The following SRCIN1 variants were observed in gnomAD, a reference collection of about 807,000 sequenced individuals.
SRCIN1 encodes P130Cas-associated protein.
Under a neutral mutation model 116.2 loss-of-function variants are expected in SRCIN1, and 50 were observed. The ratio of observed to expected loss-of-function variants is 0.43; its 90% CI spans 0.34 to 0.54. The LOEUF is 0.54. Ranked by LOEUF, SRCIN1 falls within the 20% of genes least tolerant of loss-of-function variation. SRCIN1 has a pLI of 0.02. For synonymous variants in SRCIN1, 736 were observed against 750.0 expected, an observed-to-expected ratio of 0.98 and a Z score of 0.30; for missense variants, 1,446 against 1,672.0, an observed-to-expected ratio of 0.86 and a Z score of 2.36.
At position 38,585,270 on chromosome 17, in the gene SRCIN1, C is replaced by T. The variant is rs535335786; in HGVS notation, c.23-6479G>A. Reference sequence around the variant, plus strand: ...GCCTGCCTTAGGCCACACCCACACACACACACAAACACACAGCATGAGGCT... The same window carrying T: ...GCCTGCCTTAGGCCACACCCACACATACACACAAACACACAGCATGAGGCT... On this transcript the variant is annotated intron_variant, in intron 1 of 18. Coordinates refer to ENST00000617146, the MANE Select transcript of SRCIN1 (RefSeq NM_025248.3). This position sits in a 1 kb window ranked among gnomAD's most constrained non-coding sequence, Gnocchi z 4.2. Among the ~76,000 whole-genome samples, 2 of 152,328 alleles carry T rather than the reference C, an allele frequency of 1.3e-5. No individual in the cohort carries two copies. The highest frequency in any genetic ancestry group is 4.8e-5 in the African/African-American group (2 of 41,572).
At chr17:38,580,624 C>T (rs561052829) in intron 1 of SRCIN1, among the ~76,000 whole-genome samples, 68 of 152,318 alleles carry the variant, frequency 4.5e-4, no homozygotes, top group Non-Finnish European at 4.0e-4. Context: ...ACACTCTCCA[C>T]GATGACTGTT....
At position 38,551,959 on chromosome 17, in the gene SRCIN1, G is replaced by C. The variant is rs770773898; in HGVS notation, c.2654C>G (p.Pro885Arg). 1.2e-5 allele frequency: 19 copies of C among 1,613,944 alleles called. No homozygotes were observed. In the East Asian group the frequency reaches 1.3e-4, roughly 11 times the overall value. The stretch of plus-strand genomic sequence containing the variant: ...GCCTTTGGTGGGGTTGCCCCCCTTG[G>C]GGGTAAGAGAGGCTCCTTCAGCTGG... The part of the protein sequence containing the change: ...SGPAEGASLT[P>R]KGGNPTKGLD... Residue 885 changes from proline to arginine, a missense_variant, in exon 14 of 19, where the codon CCC becomes CGC. Pro to Arg is a moderately radical substitution (Grantham distance 103, BLOSUM62 -2). Coordinates refer to ENST00000617146, the MANE Select transcript of SRCIN1 (RefSeq NM_025248.3).
chr17:38,562,152 C>T lies in SRCIN1; in HGVS notation c.1011G>A (p.Pro337=), dbSNP rs1906307577. The T allele has an allele frequency of 7.3e-7, 1 of 1,366,202 alleles. No individual in the cohort carries two copies. Among genetic ancestry groups the T allele is most frequent in the Non-Finnish European group, 9.4e-7 (1 of 1,067,646 alleles). The allele number at this position is 1,366,202 out of a possible 1,614,324, so 84.6% of individuals were successfully genotyped here. ...RSRLSYAGGR[P]PSYAGSPVHH... is the part of the protein sequence containing the mutation. ...GCACCGGGCTGCCGGCGTACGAAGG[C>T]GGGCGCCCCCCGGCGTACGATAGGC... Residue 337 remains proline, a synonymous_variant, in exon 7 of 19, where the codon CCG becomes CCA. Coordinates refer to ENST00000617146, the MANE Select transcript of SRCIN1 (RefSeq NM_025248.3). This position sits in a 1 kb window ranked among gnomAD's most constrained non-coding sequence, Gnocchi z 4.2.
At chr17:38,551,815 T>A in intron 14 of SRCIN1, 71 bp downstream of exon 14, 1 of 1,604,824 alleles carries the variant, frequency 6.2e-7, no homozygotes. Context: ...CACTCCCCAC[T>A]CTAGGAAGGA....
At chr17:38,566,150 G>C (rs555051382) in intron 3 of SRCIN1, among the ~76,000 whole-genome samples, 7 of 152,296 alleles carry the variant, frequency 4.6e-5, no homozygotes, top group South Asian at 2.1e-4. Context: ...AGAGTAGGGG[G>C]TGGCCATGGT....
At chr17:38,564,517 C>T (rs955329973) in intron 3 of SRCIN1, among the ~76,000 whole-genome samples, 1 of 152,084 alleles carries the variant, frequency 6.6e-6, no homozygotes, top group Admixed American at 6.5e-5. Context: ...CCCTGGGACA[C>T]CCGGCAGGTA....
Position 38,561,941 on chromosome 17 carries a change from G to C in SRCIN1, c.1222C>G (p.Leu408Val). 6.8e-7 allele frequency: 1 copy of C among 1,464,038 alleles called. No individual in the cohort carries two copies. The highest frequency in any genetic ancestry group is 1.3e-5 in the South Asian group (1 of 74,564). The allele number at this position is 1,464,038 out of a possible 1,614,324, so 90.7% of individuals were successfully genotyped here. A position where few individuals can be genotyped will look rare whatever the true frequency, so the allele number is the denominator to read the frequency against. The change falls in exon 7 of 19, where the codon CTG (leucine) becomes GTG (valine). Residue 408 changes from leucine to valine, a missense_variant. This residue lies in a region of SRCIN1 where 239 missense variants were observed against 317.7 expected (regional missense o/e 0.75). Coordinates refer to ENST00000617146, the MANE Select transcript of SRCIN1 (RefSeq NM_025248.3). ...DPYGLLHEGR[L>V]SLAAAAGDPF... ...TCGCCGGCGGCCGCGGCCAGGCTCA[G>C]ACGGCCCTCGTGCAGCAGCCCGTAG... is the stretch of plus-strand genomic sequence containing the variant.
At position 38,547,838 on chromosome 17, in the gene SRCIN1, C is replaced by T. The variant is rs556366956; in HGVS notation, c.3270+719G>A. Reference sequence around the variant, plus strand: ...CAGCAAGGTGGGGATCAGCTGGCGGCGGGGCGTGGGGGGGAGGGAAGACAC... The same window carrying T: ...CAGCAAGGTGGGGATCAGCTGGCGGTGGGGCGTGGGGGGGAGGGAAGACAC... On this transcript the variant is annotated intron_variant, in intron 17 of 18. Transcript: ENST00000617146. The T allele has an allele frequency of 5.5e-4, 51 of 92,038 alleles. 1 individual carries two copies. The highest frequency in any genetic ancestry group is 2.7e-3 in the South Asian group (16 of 5,910). 5.7% of individuals were successfully genotyped at this position (92,038 alleles called of 1,614,324 possible).
intron 15 of SRCIN1, among the ~76,000 whole-genome samples, chr17:38,550,097 T>C (rs1221957979): frequency 1.3e-5 from 2 of 152,250 alleles, no homozygotes; most frequent in African/African-American, 4.8e-5. Context: ...CTGGTTTACA[T>C]ACTAGGCATG....
At chr17:38,549,883 A>G (rs915081881) in intron 15 of SRCIN1, among the ~76,000 whole-genome samples, 2 of 152,112 alleles carry the variant, frequency 1.3e-5, no homozygotes. Context: ...CATGCCACAC[A>G]CACACCTTCA....
intron 2 of SRCIN1, among the ~76,000 whole-genome samples, chr17:38,576,987 C>T (rs1206107089): frequency 6.6e-6 from 1 of 152,194 alleles, no homozygotes; most frequent in Admixed American, 6.5e-5. Context: ...ATCCCACTAC[C>T]TCCCACCTGA....
intron 1 of SRCIN1, among the ~76,000 whole-genome samples, chr17:38,601,662 GCA>G (rs71138637): frequency 3.4e-4 from 51 of 149,760 alleles, no homozygotes; most frequent in African/African-American, 7.6e-4. Context: ...ACGCTCGCGC[GCA>G]CACACACACA....
In SRCIN1 at chr17:38,563,511, G is replaced by A. The variant is rs1156944668; in HGVS notation, c.552C>T (p.Phe184=). The A allele has an allele frequency of 6.4e-7, 1 of 1,550,394 alleles. No homozygotes were observed. Among genetic ancestry groups the A allele is most frequent in the Non-Finnish European group, 8.7e-7 (1 of 1,147,408 alleles). Residue 184 remains phenylalanine, a synonymous_variant, in exon 5 of 19, where the codon TTC becomes TTT. Coordinates refer to ENST00000617146, the MANE Select transcript of SRCIN1 (RefSeq NM_025248.3). The surrounding 1 kb of genome is among the most constrained non-coding windows in gnomAD (Gnocchi z 5.8). ...GCCGAGTCTCCTCCCCGAACTGCAG[G>A]AACAGCACCCCTGCGAAGGAGACGC... ...QTKLRSPGVL[F]LQFGEETRRV... is the part of the protein sequence containing the mutation.
intron 1 of SRCIN1, among the ~76,000 whole-genome samples, chr17:38,593,417 G>C (rs967789894): frequency 1.3e-5 from 2 of 152,058 alleles, no homozygotes; most frequent in Admixed American, 1.3e-4. Flanking sequence ...AGGGGCACGA[G>C]GGAATGGGGC....
At chr17:38,588,213 T>C (rs970176569) in intron 1 of SRCIN1, among the ~76,000 whole-genome samples, 4 of 152,110 alleles carry the variant, frequency 2.6e-5, no homozygotes, top group African/African-American at 9.7e-5. Context: ...ACTGTCAGAG[T>C]TGTATCAGAC....
chr17:38,580,698 C>A (rs560289816), intron 1 of SRCIN1, among the ~76,000 whole-genome samples: 67 of 152,338 alleles, frequency 4.4e-4, no homozygotes, highest in African/African-American at 1.5e-3. Context: ...CTGCTGCTAT[C>A]CCCAACCATG....
At chr17:38,606,991 A>G (rs2143500472), upstream of SRCIN1, among the ~76,000 whole-genome samples, 1 of 152,264 alleles carries the variant, frequency 6.6e-6, no homozygotes, top group South Asian at 2.1e-4. This position sits in a 1 kb window ranked among gnomAD's most constrained non-coding sequence, Gnocchi z 5.2. Flanking sequence ...GAGTGGACAC[A>G]GTACTTCTAT....
At position 38,556,286 on chromosome 17, in the gene SRCIN1, C is replaced by T. The variant is rs867492047; in HGVS notation, c.2201+1941G>A. Reference sequence around the variant, plus strand: ...TGGGGCCCTTCCAAGCATGGGGCTCCGCGTGACCGCACACGTGGCATACCT... The same window carrying T: ...TGGGGCCCTTCCAAGCATGGGGCTCTGCGTGACCGCACACGTGGCATACCT... On this transcript the variant is annotated intron_variant, in intron 11 of 18. Coordinates refer to ENST00000617146, the MANE Select transcript of SRCIN1 (RefSeq NM_025248.3). Among the ~76,000 whole-genome samples, 5 of 152,328 alleles carry T rather than the reference C, an allele frequency of 3.3e-5. 1 individual carries two copies. In the South Asian group the frequency reaches 6.2e-4, roughly 19 times the overall value.
intron 1 of SRCIN1, among the ~76,000 whole-genome samples, chr17:38,580,060 CG>C (rs1342748225): frequency 1.3e-5 from 2 of 152,140 alleles, no homozygotes; most frequent in Non-Finnish European, 2.9e-5. Context: ...CTCCCGCCCC[CG>C]TGTGGCCTGA....
Sources: gnomAD v4.1 joint callset for allele counts (sites outside exome capture counted in the v4.1 genomes callset) on GRCh38, gnomAD v4.1.1 for gene constraint, gnomAD v4.1.1 regional missense constraint, Gnocchi (gnomAD v3.1) non-coding constraint, MANE v1.5 for transcripts, NCBI Gene and HGNC (gene_info 2026-07-23, HGNC 2026-07-21) for gene names.